PPP6R3: variants seen among roughly 807,000 people sequenced by gnomAD.
The protein encoded by PPP6R3 is protein phosphatase 6 regulatory subunit 3.
In PPP6R3, 38 loss-of-function variants were observed where a neutral mutation model predicts 110.7. The ratio of observed to expected loss-of-function variants is 0.34; its 90% CI spans 0.26 to 0.45. The LOEUF is 0.45. PPP6R3 is among the 20% of genes least tolerant of loss of function. The pLI is 1.00. For missense variants in PPP6R3, 870 were observed against 1,062.4 expected, an observed-to-expected ratio of 0.82 and a Z score of 2.52; for synonymous variants, 369 against 373.5, an observed-to-expected ratio of 0.99 and a Z score of 0.14.
At chr11:68,560,975 C>G (rs955996797) in intron 8 of PPP6R3, among the ~76,000 whole-genome samples, 23 of 147,750 alleles carry the variant, frequency 1.6e-4, no homozygotes, top group African/African-American at 5.7e-4. Context: ...CGGCTCACTG[C>G]AAGCTCCGCC....
intron 17 of PPP6R3, 76 bp from the exon 18 acceptor site, chr11:68,591,500 A>T: frequency 1.5e-6 from 2 of 1,372,504 alleles, no homozygotes; most frequent in South Asian, 1.5e-5. Flanking sequence ...AATGCAATTT[A>T]CATTGGTAAT....
At chr11:68,499,382 G>A (rs1193424297) in intron 1 of PPP6R3, among the ~76,000 whole-genome samples, 2 of 152,124 alleles carry the variant, frequency 1.3e-5, no homozygotes, top group African/African-American at 2.4e-5. Flanking sequence ...ACCTCAGGTC[G>A]TTTTCACATC....
chr11:68,488,054 T>A, intron 1 of PPP6R3, among the ~76,000 whole-genome samples: 1 of 152,240 alleles, frequency 6.6e-6, no homozygotes, highest in Admixed American at 6.5e-5. Context: ...ATTAGGCAAA[T>A]ACACATTAAG....
intron 23 of PPP6R3, among the ~76,000 whole-genome samples, chr11:68,611,017 A>G (rs991646401): frequency 6.6e-6 from 1 of 152,214 alleles, no homozygotes; most frequent in Non-Finnish European, 1.5e-5. Context: ...TTTTGTGATT[A>G]GAAATATTTT....
At chr11:68,554,688 G>T (rs908925864) in intron 7 of PPP6R3, among the ~76,000 whole-genome samples, 1 of 152,138 alleles carries the variant, frequency 6.6e-6, no homozygotes, top group African/African-American at 2.4e-5. Context: ...TCATGTTTAG[G>T]TTGAAGACAG....
At chr11:68,555,414 T>C (rs184936832) in intron 7 of PPP6R3, among the ~76,000 whole-genome samples, 2 of 152,348 alleles carry the variant, frequency 1.3e-5, no homozygotes, top group African/African-American at 4.8e-5. Flanking sequence ...AAGCCACATG[T>C]AATTTAAAAT....
intron 9 of PPP6R3, among the ~76,000 whole-genome samples, chr11:68,565,408 A>G (rs112591204): frequency 0.01 from 1,557 of 152,000 alleles, 12 homozygotes; most frequent in African/African-American, 0.012. Flanking sequence ...TTGGATGTGG[A>G]CCATAGTGTT....
intron 1 of PPP6R3, among the ~76,000 whole-genome samples, chr11:68,508,121 C>CTTTTTTTTTTTTTTTTTTTTT (rs748376581): frequency 1.3e-4 from 10 of 77,622 alleles, no homozygotes; most frequent in African/African-American, 5.5e-4. Flanking sequence ...GTTTTTTGGC[C>CTTTTTTTTTTTTTTTTTTTTT]TTTTTTTTTT....
intron 18 of PPP6R3, among the ~76,000 whole-genome samples, chr11:68,592,343 A>T (rs2099598053): frequency 6.6e-6 from 1 of 152,166 alleles, no homozygotes; most frequent in Non-Finnish European, 1.5e-5. Flanking sequence ...ATTTATTGTT[A>T]CTCATTTTAT....
intron 1 of PPP6R3, among the ~76,000 whole-genome samples, chr11:68,516,886 C>T: frequency 6.6e-6 from 1 of 151,828 alleles, no homozygotes; most frequent in Non-Finnish European, 1.5e-5. Context: ...TCTTCTTTTC[C>T]TATAGTAGCC....
intron 1 of PPP6R3, among the ~76,000 whole-genome samples, chr11:68,501,761 G>A (rs915831576): frequency 6.6e-6 from 1 of 152,200 alleles, no homozygotes; most frequent in African/African-American, 2.4e-5. Flanking sequence ...GTTTATAAGT[G>A]AATGTATGTA....
chr11:68,546,602 A>T (rs2099350179), intron 4 of PPP6R3, among the ~76,000 whole-genome samples: 1 of 152,196 alleles, frequency 6.6e-6, no homozygotes, highest in African/African-American at 2.4e-5. Context: ...AGTGTAAATA[A>T]AGGTTTTCTG....
chr11:68,529,312 G>A (rs894257938), intron 2 of PPP6R3, among the ~76,000 whole-genome samples: 1 of 152,066 alleles, frequency 6.6e-6, no homozygotes, highest in Non-Finnish European at 1.5e-5. Flanking sequence ...TCTGCCAACC[G>A]GGTTCAAGTG....
intron 15 of PPP6R3, among the ~76,000 whole-genome samples, chr11:68,583,558 T>C (rs540303522): frequency 3.3e-5 from 5 of 152,348 alleles, no homozygotes; most frequent in Admixed American, 1.3e-4. Context: ...AGTTCTATTA[T>C]AGTTACATCT....
At chr11:68,461,965 A>C (rs963736170) in intron 1 of PPP6R3, among the ~76,000 whole-genome samples, 2 of 152,140 alleles carry the variant, frequency 1.3e-5, no homozygotes, top group Non-Finnish European at 2.9e-5. Context: ...GGTTTTCCTC[A>C]CTGTGGAGTG....
chr11:68,597,381 G>A (rs1337386307), intron 19 of PPP6R3, among the ~76,000 whole-genome samples: 1 of 152,206 alleles, frequency 6.6e-6, no homozygotes, highest in Non-Finnish European at 1.5e-5. Flanking sequence ...CGGGAGCGAA[G>A]GCCAGAGGCC....
At chr11:68,557,838 G>A (rs2153721656) in intron 7 of PPP6R3, among the ~76,000 whole-genome samples, 1 of 152,290 alleles carries the variant, frequency 6.6e-6, no homozygotes, top group South Asian at 2.1e-4. Flanking sequence ...AATTCACATG[G>A]ATTTCGAAAA....
chr11:68,485,852 G>A (rs2098943590), intron 1 of PPP6R3, among the ~76,000 whole-genome samples: 1 of 152,034 alleles, frequency 6.6e-6, no homozygotes, highest in Admixed American at 6.6e-5. Flanking sequence ...GTGCCATCAT[G>A]CCCGGCGACA....
intron 4 of PPP6R3, among the ~76,000 whole-genome samples, chr11:68,545,502 T>C (rs1235421741): frequency 6.6e-6 from 1 of 152,266 alleles, no homozygotes; most frequent in Non-Finnish European, 1.5e-5. Flanking sequence ...ACTTCTCCAG[T>C]GTCAGGCTTG....
Sources: allele counts gnomAD v4.1 joint callset (sites outside exome capture counted in the v4.1 genomes callset), GRCh38; gene constraint gnomAD v4.1.1; transcripts MANE v1.5; gene names NCBI Gene and HGNC (gene_info 2026-07-23, HGNC 2026-07-21).